Variants in XPO1 observed in about 807,000 individuals in gnomAD.
XPO1 encodes exportin-1.
In XPO1, 5 loss-of-function variants were observed where a neutral mutation model predicts 133.3. The ratio of observed to expected loss-of-function variants is 0.04; its 90% confidence interval spans 0.02 to 0.08. The LOEUF (loss-of-function observed/expected upper bound fraction) is 0.08. XPO1 is among the 10% of genes least tolerant of loss of function. The pLI is 1.00. For synonymous variants in XPO1, 419 were observed against 408.2 expected, an observed-to-expected ratio of 1.03 and a Z score of -0.32; for missense variants, 506 against 1,267.5, an observed-to-expected ratio of 0.40 and a Z score of 9.12.
At chr2:61,487,891 T>TC (rs1421569774) in intron 19 of XPO1, among the ~76,000 whole-genome samples, 10 of 152,190 alleles carry the variant, frequency 6.6e-5, no homozygotes, top group Non-Finnish European at 1.5e-4. Context: ...AATTAAATCC[T>TC]CCTAACCTAT....
chr2:61,478,940 A>G lies in XPO1; in HGVS notation c.3096T>C (p.Asp1032=). Residue 1032 remains aspartate, a synonymous_variant, in exon 25 of 25, where the codon GAT becomes GAC. Coordinates refer to ENST00000401558, the MANE Select transcript of XPO1 (RefSeq NM_003400.4). ...IKEFAGEDTS[D]LFLEEREIAL... Reference sequence around the variant, plus strand: ...CTATTTCTCTCTCTTCCAAAAACAAATCAGAAGTGTCTTCACCTGCAAATT... The same window carrying G: ...CTATTTCTCTCTCTTCCAAAAACAAGTCAGAAGTGTCTTCACCTGCAAATT... The G allele has an allele frequency of 1.2e-6, 2 of 1,613,884 alleles. No homozygotes were observed. Among genetic ancestry groups the G allele is most frequent in the Non-Finnish European group, 1.7e-6 (2 of 1,179,940 alleles).
At chr2:61,513,957 G>T (rs1487335060) in intron 4 of XPO1, among the ~76,000 whole-genome samples, 5 of 152,092 alleles carry the variant, frequency 3.3e-5, no homozygotes, top group African/African-American at 1.2e-4. Flanking sequence ...GGCTGAGGCA[G>T]GTGGATCACG....
At chr2:61,533,408 T>G (rs1699241993) in intron 2 of XPO1, among the ~76,000 whole-genome samples, 1 of 152,226 alleles carries the variant, frequency 6.6e-6, no homozygotes, top group Non-Finnish European at 1.5e-5. Context: ...ATTCCTGTTT[T>G]TATTTAAACA....
intron 3 of XPO1, chr2:61,526,214 A>G: frequency 5.8e-6 from 8 of 1,373,018 alleles, no homozygotes; most frequent in Non-Finnish European, 7.5e-6. Context: ...GCCACCTTGC[A>G]TACTAGTCCC....
chr2:61,501,154 A>T (rs1697495110), intron 6 of XPO1, among the ~76,000 whole-genome samples: 1 of 152,190 alleles, frequency 6.6e-6, no homozygotes, highest in Non-Finnish European at 1.5e-5. Flanking sequence ...TAAAAGCTGG[A>T]GTTAATTACT....
intron 4 of XPO1, among the ~76,000 whole-genome samples, chr2:61,504,456 T>G (rs890758238): frequency 6.6e-6 from 1 of 152,236 alleles, no homozygotes; most frequent in African/African-American, 2.4e-5. Flanking sequence ...TATTTCCTAC[T>G]ACGTAAAATT....
At chr2:61,500,206 T>C (rs1697434472) in intron 6 of XPO1, among the ~76,000 whole-genome samples, 2 of 152,068 alleles carry the variant, frequency 1.3e-5, no homozygotes, top group African/African-American at 4.8e-5. Context: ...TAGGAGGCCT[T>C]GCGCGGTTGC....
intron 4 of XPO1, among the ~76,000 whole-genome samples, chr2:61,513,937 C>A (rs375680133): frequency 1.3e-5 from 2 of 152,200 alleles, no homozygotes; most frequent in East Asian, 3.9e-4. Flanking sequence ...GTAATCCTAG[C>A]GCTTTGGGAG....
At position 61,538,124 on chromosome 2, in the gene XPO1, G is replaced by T; in HGVS notation, c.-569C>A. On this transcript the variant is annotated 5_prime_UTR_variant, in exon 1 of 25. Transcript: ENST00000401558. ...TGGTGGTTCCCCCCTCCCCCTCTGG[G>T]TGGTTGCACGGACTGCAGCAGCAAA... The T allele has an allele frequency of 4.9e-6, 1 of 203,684 alleles. No individual in the cohort carries two copies. The highest frequency in any genetic ancestry group is 6.9e-5 in the Admixed American group (1 of 14,512). 12.6% of individuals were successfully genotyped at this position (203,684 alleles called of 1,614,324 possible).
At chr2:61,524,698 G>A (rs539884960) in intron 3 of XPO1, among the ~76,000 whole-genome samples, 29 of 152,350 alleles carry the variant, frequency 1.9e-4, no homozygotes, top group Admixed American at 2.6e-4. Context: ...AGGCCAAGGC[G>A]GGAGGGCCAG....
chr2:61,523,628 A>C (rs1698790294), intron 3 of XPO1, among the ~76,000 whole-genome samples: 1 of 152,194 alleles, frequency 6.6e-6, no homozygotes, highest in Admixed American at 6.5e-5. Context: ...TCATATATAG[A>C]CATATAACCT....
chr2:61,500,979 T>C (rs1697486113), intron 6 of XPO1, among the ~76,000 whole-genome samples: 1 of 152,164 alleles, frequency 6.6e-6, no homozygotes, highest in Non-Finnish European at 1.5e-5. Flanking sequence ...AATAAACTTT[T>C]AACCAAAAGC....
Position 61,484,183 on chromosome 2 carries a change from A to C in XPO1, c.2509-78T>G, listed in dbSNP as rs533611027. 295 of 1,285,194 alleles carry C rather than the reference A, an allele frequency of 2.3e-4. 3 individuals carry two copies. The South Asian group carries it at 3.8e-3, about 16-fold the overall frequency. The allele number at this position is 1,285,194 out of a possible 1,614,324, so 79.6% of individuals were successfully genotyped here. Reference sequence around the variant, plus strand: ...GACAGGAGGGGAAAAGCAAGGCTTAATCCAGTATAAATATTTGGAGTTTTC... The same window carrying C: ...GACAGGAGGGGAAAAGCAAGGCTTACTCCAGTATAAATATTTGGAGTTTTC... On this transcript the variant is annotated intron_variant, in intron 20 of 24. Transcript: ENST00000401558.
At chr2:61,485,549 T>A in intron 20 of XPO1, 1 of 256,776 alleles carries the variant, frequency 3.9e-6, no homozygotes, top group Non-Finnish European at 7.2e-6. Context: ...CTTTTTGAAC[T>A]TTTTGTAGAG....
At chr2:61,531,067 C>CT (rs1041197129) in intron 2 of XPO1, among the ~76,000 whole-genome samples, 1 of 152,158 alleles carries the variant, frequency 6.6e-6, no homozygotes, top group Non-Finnish European at 1.5e-5. Flanking sequence ...ACGTCTAACA[C>CT]TAAAAATCAT....
At chr2:61,489,337 C>T (rs1696851233) in intron 17 of XPO1, among the ~76,000 whole-genome samples, 1 of 148,896 alleles carries the variant, frequency 6.7e-6, no homozygotes, top group Non-Finnish European at 1.5e-5. Flanking sequence ...TGCTTGAGCT[C>T]GGGAGGCAGA....
At chr2:61,480,282 T>TTTC in intron 24 of XPO1, 1 of 149,320 alleles carries the variant, frequency 6.7e-6, no homozygotes, top group South Asian at 2.1e-4. Flanking sequence ...CAGTTAACTT[T>TTTC]TTTTTTTTTT....
chr2:61,497,026 G>A lies in XPO1; in HGVS notation c.760-19C>T, dbSNP rs2104473207. Reference sequence around the variant, plus strand: ...TCAGGAACTATTTAAAAGGGGGGAGGGAACCATAAAATTAATTGGCCTGAT... The same window carrying A: ...TCAGGAACTATTTAAAAGGGGGGAGAGAACCATAAAATTAATTGGCCTGAT... On this transcript the variant is annotated intron_variant, in intron 9 of 24. Coordinates refer to ENST00000401558, the MANE Select transcript of XPO1 (RefSeq NM_003400.4). 1.3e-6 allele frequency: 2 copies of A among 1,590,664 alleles called. No homozygotes were observed. The highest frequency in any genetic ancestry group is 1.7e-6 in the Non-Finnish European group (2 of 1,172,760).
Position 61,493,094 on chromosome 2 carries a change from A to G in XPO1, c.1246-41T>C, listed in dbSNP as rs756311942. ...TATCAATCAAGAAAAAAATCGTTAG[A>G]TCACTGAAATCATTAGTGTAGAAGC... On this transcript the variant is annotated intron_variant, in intron 12 of 24. Coordinates refer to ENST00000401558, the MANE Select transcript of XPO1 (RefSeq NM_003400.4). 24 of 1,525,058 alleles carry G rather than the reference A, an allele frequency of 1.6e-5. No individual in the cohort carries two copies. The Admixed American group carries it at 4.6e-4, about 29-fold the overall frequency. The allele number at this position is 1,525,058 out of a possible 1,614,324, so 94.5% of individuals were successfully genotyped here. A position where few individuals can be genotyped will look rare whatever the true frequency, so the allele number is the denominator to read the frequency against.
Sources: gnomAD v4.1 joint callset for allele counts (sites outside exome capture counted in the v4.1 genomes callset) on GRCh38, gnomAD v4.1.1 for gene constraint, MANE v1.5 for transcripts, NCBI Gene and HGNC (gene_info 2026-07-23, HGNC 2026-07-21) for gene names.